NSUN7: variants seen among roughly 807,000 people sequenced by gnomAD.
The protein encoded by NSUN7 is protein NSUN7.
A neutral mutation model predicts 58.5 loss-of-function variants in NSUN7; 39 were observed. The ratio of observed to expected loss-of-function variants is 0.67; its 90% CI spans 0.52 to 0.87. The LOEUF (loss-of-function observed/expected upper bound fraction) is 0.87, where lower values mean the gene tolerates loss of function less well. Ranked by LOEUF, NSUN7 falls within the 40% of genes least tolerant of loss-of-function variation. The pLI, the probability that NSUN7 is intolerant of heterozygous loss-of-function variation, is 0.00. For synonymous variants in NSUN7, 278 were observed against 303.7 expected, an observed-to-expected ratio of 0.92 and a Z score of 0.88; for missense variants, 765 against 844.1, an observed-to-expected ratio of 0.91 and a Z score of 1.16.
chr4:40,764,514 A>G (rs866514352), intron 4 of NSUN7, among the ~76,000 whole-genome samples: 1 of 152,018 alleles, frequency 6.6e-6, no homozygotes, highest in African/African-American at 2.4e-5. Context: ...AGTCTTTGCT[A>G]TTGTGAATAG....
In NSUN7 at chr4:40,810,626, A is replaced by G. The variant is rs1372076996; in HGVS notation, c.*1687A>G. 2 of 151,300 alleles carry G rather than the reference A, an allele frequency of 1.3e-5. No homozygotes were observed. Among genetic ancestry groups the G allele is most frequent in the African/African-American group, 4.9e-5 (2 of 41,154 alleles). The allele number at this position is 151,300 out of a possible 1,614,324, so 9.4% of individuals were successfully genotyped here. Reference sequence around the variant, plus strand: ...AGTGTCAATGAAGAAAGGAAACAAGACTTTTTATAGTTGAACCAGGCTTAT... The same window carrying G: ...AGTGTCAATGAAGAAAGGAAACAAGGCTTTTTATAGTTGAACCAGGCTTAT... On this transcript the variant is annotated 3_prime_UTR_variant, in exon 12 of 12. Transcript: ENST00000381782.
At chr4:40,758,750 T>C (rs1464981552) in intron 2 of NSUN7, among the ~76,000 whole-genome samples, 1 of 151,916 alleles carries the variant, frequency 6.6e-6, no homozygotes, top group Non-Finnish European at 1.5e-5. Flanking sequence ...CCAGGTGTGG[T>C]GCCACACACC....
intron 7 of NSUN7, among the ~76,000 whole-genome samples, chr4:40,782,257 G>A (rs1742609941): frequency 6.6e-6 from 1 of 152,070 alleles, no homozygotes; most frequent in Admixed American, 6.6e-5. Context: ...CTCAAGACTT[G>A]TACAATGAAA....
rs191328849 is a variant in NSUN7, at chr4:40,782,851, A to G, written c.1036+6592A>G. Among the ~76,000 whole-genome samples the G allele has an allele frequency of 1.5e-3, 232 of 152,228 alleles. 1 individual carries two copies. The highest frequency in any genetic ancestry group is 5.3e-3 in the African/African-American group (219 of 41,534). On this transcript the variant is annotated intron_variant, in intron 7 of 11. Transcript: ENST00000381782. ...CCACTGCACTCCAGCCTGGGCAACA[A>G]AGTGAGACCCTGTCTCTAAAAAAAT...
intron 7 of NSUN7, chr4:40,776,506 G>T (rs1484693958): frequency 1.4e-5 from 4 of 282,934 alleles, no homozygotes; most frequent in East Asian, 1.2e-4. Context: ...ATAATTTGAG[G>T]CTCAAACATT....
chr4:40,769,375 C>T (rs148250944), intron 4 of NSUN7, among the ~76,000 whole-genome samples: 76 of 152,244 alleles, frequency 5.0e-4, no homozygotes, highest in African/African-American at 1.5e-3. Context: ...TATCATAGGA[C>T]GTAAAGGTTT....
intron 8 of NSUN7, among the ~76,000 whole-genome samples, chr4:40,793,843 TTTAAA>T (rs1415169549): frequency 6.6e-6 from 1 of 152,238 alleles, no homozygotes; most frequent in Non-Finnish European, 1.5e-5. Flanking sequence ...AATACATATA[TTTAAA>T]TTATTTTTCA....
chr4:40,807,458 C>G (rs369064227), intron 11 of NSUN7, among the ~76,000 whole-genome samples: 2 of 151,416 alleles, frequency 1.3e-5, no homozygotes, highest in South Asian at 4.2e-4. Context: ...AAGCAATTCT[C>G]TGACTCAGCC....
At chr4:40,804,013 C>G (rs1227175481) in intron 10 of NSUN7, among the ~76,000 whole-genome samples, 2 of 152,076 alleles carry the variant, frequency 1.3e-5, no homozygotes, top group African/African-American at 2.4e-5. Flanking sequence ...CTGTCTAAAA[C>G]AAAAAGAAAG....
At chr4:40,778,996 C>T (rs1282254559) in intron 7 of NSUN7, among the ~76,000 whole-genome samples, 2 of 151,982 alleles carry the variant, frequency 1.3e-5, no homozygotes, top group Admixed American at 1.3e-4. Flanking sequence ...CACTAGTAGA[C>T]ACAGTAAAGG....
At chr4:40,756,184 C>T (rs1741136059) in intron 2 of NSUN7, among the ~76,000 whole-genome samples, 1 of 152,184 alleles carries the variant, frequency 6.6e-6, no homozygotes, top group Non-Finnish European at 1.5e-5. Flanking sequence ...TTTAGAATAT[C>T]CAGAGTTTGG....
At chr4:40,751,426 C>T (rs1740828342) in intron 2 of NSUN7, among the ~76,000 whole-genome samples, 1 of 152,048 alleles carries the variant, frequency 6.6e-6, no homozygotes, top group South Asian at 2.1e-4. Flanking sequence ...GCCTGGCCTC[C>T]CTGTGTATTT....
Position 40,794,366 on chromosome 4 carries a change from A to T in NSUN7, c.1181-9A>T. 1 of 1,539,766 alleles carries T rather than the reference A, an allele frequency of 6.5e-7. No individual in the cohort carries two copies. ...GCTATATTTAAAAGCATTTCTTTTT[A>T]AAATTCAGATACAGAATTCCTTAAA... On this transcript the variant is annotated splice_polypyrimidine_tract_variant and intron_variant, in intron 8 of 11. Transcript: ENST00000381782.
chr4:40,751,494 A>G lies in NSUN7; in HGVS notation c.298+503A>G, dbSNP rs1740831228. On this transcript the variant is annotated intron_variant, in intron 2 of 11. Coordinates refer to ENST00000381782, the MANE Select transcript of NSUN7 (RefSeq NM_024677.6). ...TTTTAGTTTATGAGCTTTCACAAATATAAAACCAGTGAGGGAGGATGGGGA... is the reference window on the plus strand; with the variant it reads ...TTTTAGTTTATGAGCTTTCACAAATGTAAAACCAGTGAGGGAGGATGGGGA... Among the ~76,000 whole-genome samples the G allele has an allele frequency of 2.6e-5, 4 of 152,282 alleles. No individual in the cohort carries two copies. In the South Asian group the frequency reaches 8.3e-4, roughly 32 times the overall value.
intron 4 of NSUN7, among the ~76,000 whole-genome samples, chr4:40,770,375 A>G (rs1741941783): frequency 6.6e-6 from 1 of 152,198 alleles, no homozygotes; most frequent in Non-Finnish European, 1.5e-5. Flanking sequence ...TATATGGTAT[A>G]ACCTAGTGCT....
intron 7 of NSUN7, among the ~76,000 whole-genome samples, chr4:40,779,164 A>T (rs575047330): frequency 1.1e-4 from 16 of 149,548 alleles, no homozygotes; most frequent in Admixed American, 1.1e-3. Flanking sequence ...TACTAAAAAT[A>T]AAAAAAAAAT....
In NSUN7 at chr4:40,782,609, C is replaced by T. The variant is rs370690087; in HGVS notation, c.1036+6350C>T. ...AGGGCCGGGTGCAGTGGCTCACATCCGTAATCTCAGCACTTTGGGAGGGGC... is the reference window on the plus strand; with the variant it reads ...AGGGCCGGGTGCAGTGGCTCACATCTGTAATCTCAGCACTTTGGGAGGGGC... On this transcript the variant is annotated intron_variant, in intron 7 of 11. Coordinates refer to ENST00000381782, the MANE Select transcript of NSUN7 (RefSeq NM_024677.6). Among the ~76,000 whole-genome samples, 427 of 151,688 alleles carry T rather than the reference C, an allele frequency of 2.8e-3. 3 individuals are homozygous for T. The highest frequency in any genetic ancestry group is 9.6e-3 in the African/African-American group (396 of 41,388).
intron 7 of NSUN7, among the ~76,000 whole-genome samples, chr4:40,788,289 T>A (rs1307243185): frequency 1.3e-5 from 2 of 152,196 alleles, no homozygotes; most frequent in Non-Finnish European, 2.9e-5. Context: ...TAAAGATACA[T>A]ATTTGGGATT....
intron 2 of NSUN7, among the ~76,000 whole-genome samples, chr4:40,757,706 TTG>T (rs1198173925): frequency 1.6e-4 from 17 of 105,336 alleles, no homozygotes; most frequent in Non-Finnish European, 3.0e-4. Flanking sequence ...TATATATACA[TTG>T]TGTGTGTGTG....
Sources: gnomAD v4.1 joint callset for allele counts (sites outside exome capture counted in the v4.1 genomes callset) on GRCh38, gnomAD v4.1.1 for gene constraint, MANE v1.5 for transcripts, NCBI Gene and HGNC (gene_info 2026-07-23, HGNC 2026-07-21) for gene names.